POLI: variants seen among roughly 807,000 people sequenced by gnomAD.
POLI encodes the protein DNA polymerase iota.
Under a neutral mutation model 51.6 loss-of-function variants are expected in POLI, and 58 were observed. That is an observed-to-expected ratio of 1.12 (90% confidence interval 0.91 to 1.40). POLI has a LOEUF of 1.40. POLI is among the 40% of genes most tolerant of loss of function. The pLI is 0.00. For missense variants in POLI, 921 were observed against 871.3 expected (o/e 1.06, Z -0.72); for synonymous variants, 322 against 299.7 (o/e 1.07, Z -0.77).
At chr18:54,289,275 A>G (rs887392321) in intron 8 of POLI, among the ~76,000 whole-genome samples, 2 of 146,718 alleles carry the variant, frequency 1.4e-5, no homozygotes, top group African/African-American at 5.1e-5. Flanking sequence ...GTATAGTTTC[A>G]TGGTTAGCCA....
chr18:54,314,636 T>C (rs2088708652), intron 3 of POLI, among the ~76,000 whole-genome samples: 1 of 152,090 alleles, frequency 6.6e-6, no homozygotes, highest in Non-Finnish European at 1.5e-5. Flanking sequence ...ACTGACTCAA[T>C]TTTGGACTCA....
chr18:54,301,735 T>A (rs1471302661), downstream of POLI, among the ~76,000 whole-genome samples: 1 of 152,164 alleles, frequency 6.6e-6, no homozygotes, highest in Non-Finnish European at 1.5e-5. Context: ...TCTCTCTGGC[T>A]TCTCTCCTCC....
In POLI at chr18:54,295,130, G is replaced by C. The variant is rs596986; in HGVS notation, c.*663G>C. ...GAGGGTATATGTTATAGAGAACAGT[G>C]GTAGAAGGAACTCTCCGTGCAAGTA... On this transcript the variant is annotated 3_prime_UTR_variant, in exon 10 of 10. Coordinates refer to ENST00000579534, the MANE Select transcript of POLI (RefSeq NM_007195.3). 62,126 of 985,216 alleles carry C rather than the reference G, an allele frequency of 0.063. 2,057 individuals are homozygous for C. Among genetic ancestry groups the C allele is most frequent in the African/African-American group, 0.078 (4,470 of 57,318 alleles). 61.0% of individuals were successfully genotyped at this position (985,216 alleles called of 1,614,324 possible).
intron 3 of POLI, among the ~76,000 whole-genome samples, chr18:54,306,657 T>C (rs1395232822): frequency 6.6e-6 from 1 of 152,240 alleles, no homozygotes; most frequent in East Asian, 1.9e-4. Context: ...TGGTACCAGC[T>C]CCTCTTTGTA....
chr18:54,281,316 T>C (rs1201860132), intron 5 of POLI, among the ~76,000 whole-genome samples: 1 of 152,160 alleles, frequency 6.6e-6, no homozygotes, highest in East Asian at 1.9e-4. Flanking sequence ...CCAAAACATC[T>C]AGGCCAAGGT....
In POLI at chr18:54,308,221, G is replaced by A. The variant is rs191537035; in HGVS notation, c.334-12052G>A. On this transcript the variant is annotated intron_variant, in intron 3 of 4. Transcript: ENST00000579823. ...GCATGTTTTTGCAGTGGCTGGTACC[G>A]GTTGTTCCTTTCCATGTTTAGTGCT... Among the ~76,000 whole-genome samples, 108 of 152,258 alleles carry A rather than the reference G, an allele frequency of 7.1e-4. 3 individuals are homozygous for A. In the East Asian group the frequency reaches 0.015, roughly 21 times the overall value.
At chr18:54,271,160 C>A in intron 1 of POLI, 200 bp from the exon 2 acceptor site, 1 of 421,022 alleles carries the variant, frequency 2.4e-6, no homozygotes. Context: ...AGTGCACAAA[C>A]AGTAATTAAG....
At chr18:54,269,493 C>T (rs2144405803), upstream of POLI, 1 of 1,493,064 alleles carries the variant, frequency 6.7e-7, no homozygotes, top group South Asian at 1.3e-5. Context: ...CCCCGGTTTC[C>T]CTGGAGACCA....
At chr18:54,299,911 T>C (rs2088462758), downstream of POLI, among the ~76,000 whole-genome samples, 2 of 151,958 alleles carry the variant, frequency 1.3e-5, no homozygotes, top group South Asian at 4.2e-4. Context: ...GCCAACAATT[T>C]TGAAAATATT....
At chr18:54,290,303 G>A (rs1250316929) in intron 8 of POLI, among the ~76,000 whole-genome samples, 5 of 152,116 alleles carry the variant, frequency 3.3e-5, no homozygotes, top group African/African-American at 1.2e-4. Context: ...CAGTTAGAAT[G>A]GCGATCATTA....
At chr18:54,276,178 A>G (rs2087231447) in intron 3 of POLI, among the ~76,000 whole-genome samples, 1 of 151,982 alleles carries the variant, frequency 6.6e-6, no homozygotes, top group East Asian at 1.9e-4. Flanking sequence ...AGTCTGGGCA[A>G]TATAACATAG....
chr18:54,316,240 A>G (rs1471337485), intron 3 of POLI, among the ~76,000 whole-genome samples: 1 of 152,120 alleles, frequency 6.6e-6, no homozygotes, highest in Non-Finnish European at 1.5e-5. Context: ...TTGGACATTT[A>G]GACTGTTGAC....
chr18:54,269,798 C>T, intron 1 of POLI, 137 bp downstream of exon 1: 8 of 1,374,688 alleles, frequency 5.8e-6, no homozygotes, highest in Non-Finnish European at 7.5e-6. Flanking sequence ...GGGCTGCCTC[C>T]CTCTGCCTTG....
At position 54,273,915 on chromosome 18, in the gene POLI, A is replaced by G. The variant is rs2087121123; in HGVS notation, c.242-11A>G. The G allele has an allele frequency of 4.8e-6, 7 of 1,472,358 alleles. No individual in the cohort carries two copies. Among genetic ancestry groups the G allele is most frequent in the Non-Finnish European group, 6.3e-6 (7 of 1,102,790 alleles). The allele number at this position is 1,472,358 out of a possible 1,614,324, so 91.2% of individuals were successfully genotyped here. A position where few individuals can be genotyped will look rare whatever the true frequency, so the allele number is the denominator to read the frequency against. On this transcript the variant is annotated splice_polypyrimidine_tract_variant and intron_variant, in intron 2 of 9. Transcript: ENST00000579534. The stretch of plus-strand genomic sequence containing the variant: ...ATTGTGCTTGGGTTTCTCATAAAAT[A>G]TTTTTTACAGGGGTTCAACAGAAAT...
chr18:54,294,587 G>C lies in POLI; in HGVS notation c.*120G>C. The C allele has an allele frequency of 3.8e-6, 5 of 1,332,618 alleles. No individual in the cohort carries two copies. The highest frequency in any genetic ancestry group is 1.5e-5 in the African/African-American group (1 of 67,356). 82.5% of individuals were successfully genotyped at this position (1,332,618 alleles called of 1,614,324 possible). ...TTCAATAACGGAGTAAACTGTTCCA[G>C]ATAAAGCAAGAATAGTTGCAAGAAG... On this transcript the variant is annotated 3_prime_UTR_variant, in exon 10 of 10. Transcript: ENST00000579534.
chr18:54,284,077 G>A (rs2087640282), intron 7 of POLI, 64 bp downstream of exon 7: 1 of 560,264 alleles, frequency 1.8e-6, no homozygotes, highest in African/African-American at 1.9e-5. Context: ...TATGTGGAAA[G>A]AATATTTGAT....
At chr18:54,277,578 A>G in intron 3 of POLI, 125 bp from the exon 4 acceptor site, 1 of 579,866 alleles carries the variant, frequency 1.7e-6, no homozygotes, top group Non-Finnish European at 3.0e-6. Flanking sequence ...TAAAGATATT[A>G]TGGAACTATG....
intron 7 of POLI, 46 bp from the exon 8 acceptor site, chr18:54,287,235 G>T (rs2087788093): frequency 1.5e-6 from 2 of 1,367,256 alleles, no homozygotes; most frequent in East Asian, 2.5e-5. Context: ...ATTTAAAAAG[G>T]TAATACTTTT....
intron 2 of POLI, 93 bp downstream of exon 2, chr18:54,271,578 A>G (rs3730688): frequency 0.2 from 185,371 of 924,870 alleles, 20,186 homozygotes; most frequent in Middle Eastern, 0.24. Context: ...CCTTATTAAG[A>G]AAGATTTTGG....
Sources: gnomAD v4.1 joint callset for allele counts (sites outside exome capture counted in the v4.1 genomes callset) on GRCh38, gnomAD v4.1.1 for gene constraint, MANE v1.5 for transcripts, NCBI Gene and HGNC (gene_info 2026-07-23, HGNC 2026-07-21) for gene names.